MVB12B: variants seen among roughly 807,000 people sequenced by gnomAD.
MVB12B encodes the protein multivesicular body subunit 12B, also known as ESCRT-I complex subunit MVB12B.
A neutral mutation model predicts 41.6 loss-of-function variants in MVB12B; 16 were observed. That is an observed-to-expected ratio of 0.38 (90% CI 0.26 to 0.58). MVB12B has a LOEUF of 0.58. Among genes scored for constraint, MVB12B ranks in the 20% least tolerant of loss-of-function variants. The pLI is 0.62. For missense variants in MVB12B, 274 were observed against 380.2 expected, an observed-to-expected ratio of 0.72 and a Z score of 2.32; for synonymous variants, 133 against 139.7, an observed-to-expected ratio of 0.95 and a Z score of 0.34.
chr9:126,412,249 C>T (rs1434675779), intron 6 of MVB12B, among the ~76,000 whole-genome samples: 8 of 152,178 alleles, frequency 5.3e-5, no homozygotes, highest in African/African-American at 9.7e-5. Flanking sequence ...TCATTAAGCA[C>T]GTCCTTACAC....
intron 7 of MVB12B, among the ~76,000 whole-genome samples, chr9:126,440,142 CT>C (rs1266865880): frequency 6.6e-6 from 1 of 152,188 alleles, no homozygotes; most frequent in Non-Finnish European, 1.5e-5. Context: ...GCGCGAGCCC[CT>C]TGCTGTATGG....
At chr9:126,442,889 C>G (rs1411394920) in intron 7 of MVB12B, among the ~76,000 whole-genome samples, 1 of 152,156 alleles carries the variant, frequency 6.6e-6, no homozygotes, top group Non-Finnish European at 1.5e-5. Flanking sequence ...GGAACACATA[C>G]TCGGGAATGG....
chr9:126,442,500 A>G (rs1379064962), intron 7 of MVB12B, among the ~76,000 whole-genome samples: 1 of 152,086 alleles, frequency 6.6e-6, no homozygotes, highest in Non-Finnish European at 1.5e-5. Flanking sequence ...AGTAACAAAC[A>G]CCCCTCCAGA....
At chr9:126,378,438 C>T (rs1830542979) in intron 2 of MVB12B, among the ~76,000 whole-genome samples, 1 of 152,126 alleles carries the variant, frequency 6.6e-6, no homozygotes, top group Admixed American at 6.5e-5. Flanking sequence ...CCCCTTGTTC[C>T]ACCAGGGCTG....
intron 7 of MVB12B, among the ~76,000 whole-genome samples, chr9:126,456,568 C>T (rs1394827038): frequency 6.6e-6 from 1 of 152,214 alleles, no homozygotes; most frequent in African/African-American, 2.4e-5. Flanking sequence ...TCTCATCCTG[C>T]CCCTCCCTGC....
At chr9:126,411,979 A>T (rs1831664488) in intron 6 of MVB12B, among the ~76,000 whole-genome samples, 1 of 152,142 alleles carries the variant, frequency 6.6e-6, no homozygotes, top group African/African-American at 2.4e-5. Flanking sequence ...GCTGAAAATG[A>T]TTCATTTTAA....
intron 7 of MVB12B, among the ~76,000 whole-genome samples, chr9:126,435,904 G>C (rs1344925063): frequency 6.6e-6 from 1 of 152,228 alleles, no homozygotes; most frequent in East Asian, 1.9e-4. Context: ...GATGCGGGGG[G>C]ACTGCTTGTT....
At chr9:126,483,713 C>G (rs1397874535) in intron 8 of MVB12B, among the ~76,000 whole-genome samples, 1 of 152,194 alleles carries the variant, frequency 6.6e-6, no homozygotes, top group Non-Finnish European at 1.5e-5. Flanking sequence ...CTGGGTGCCA[C>G]AGACCACAAC....
intron 2 of MVB12B, among the ~76,000 whole-genome samples, chr9:126,373,020 G>A (rs1830384810): frequency 6.6e-6 from 1 of 152,184 alleles, no homozygotes; most frequent in Non-Finnish European, 1.5e-5. Flanking sequence ...AGGGGTGCAA[G>A]GCCAACAGGG....
intron 6 of MVB12B, among the ~76,000 whole-genome samples, chr9:126,413,998 A>G (rs1831733970): frequency 6.6e-6 from 1 of 152,216 alleles, no homozygotes; most frequent in Admixed American, 6.5e-5. Context: ...CATCTTCATT[A>G]TATGTGGCCA....
Position 126,367,057 on chromosome 9 carries a change from C to T in MVB12B, c.205-14007C>T, listed in dbSNP as rs1019378577. ...CTTCTCTGCTAGCCCTACCTGCCAG[C>T]ACCCCATCAGGCATTTCTTCATCTT... On this transcript the variant is annotated intron_variant, in intron 2 of 9. Coordinates refer to ENST00000361171, the MANE Select transcript of MVB12B (RefSeq NM_033446.3). This position sits in a 1 kb window ranked among gnomAD's most constrained non-coding sequence, Gnocchi z 4.3. Among the ~76,000 whole-genome samples the T allele has an allele frequency of 5.3e-5, 8 of 152,170 alleles. No homozygotes were observed. The highest frequency in any genetic ancestry group is 1.9e-4 in the African/African-American group (8 of 41,434).
At chr9:126,470,355 C>T (rs1833285757) in intron 7 of MVB12B, among the ~76,000 whole-genome samples, 1 of 152,188 alleles carries the variant, frequency 6.6e-6, no homozygotes. Context: ...TTCTGAGGCT[C>T]AGTGAGAATG....
intron 7 of MVB12B, among the ~76,000 whole-genome samples, chr9:126,462,180 T>C (rs537315475): frequency 6.6e-5 from 10 of 152,386 alleles, no homozygotes; most frequent in African/African-American, 2.4e-4. Context: ...AAATAACAAG[T>C]TGAACTTGGA....
chr9:126,373,140 T>TA (rs907843994), intron 2 of MVB12B, among the ~76,000 whole-genome samples: 79 of 151,874 alleles, frequency 5.2e-4, no homozygotes, highest in Non-Finnish European at 4.4e-4. Flanking sequence ...TTTCTTTTGC[T>TA]AAAAAAAAGA....
intron 2 of MVB12B, among the ~76,000 whole-genome samples, chr9:126,369,167 A>C (rs1830266412): frequency 6.6e-6 from 1 of 152,218 alleles, no homozygotes; most frequent in African/African-American, 2.4e-5. Context: ...GAACATTTTG[A>C]AAAAATTTTT....
Position 126,386,753 on chromosome 9 carries a change from C to T in MVB12B, c.409+95C>T. 1 of 915,266 alleles carries T rather than the reference C, an allele frequency of 1.1e-6. No homozygotes were observed. The highest frequency in any genetic ancestry group is 1.7e-6 in the Non-Finnish European group (1 of 578,858). The allele number at this position is 915,266 out of a possible 1,614,324, so 56.7% of individuals were successfully genotyped here. On this transcript the variant is annotated intron_variant, in intron 4 of 9. Coordinates refer to ENST00000361171, the MANE Select transcript of MVB12B (RefSeq NM_033446.3). This position sits in a 1 kb window ranked among gnomAD's most constrained non-coding sequence, Gnocchi z 4.3. ...TTCTATGTGCATTTTTCTTCAGAAA[C>T]ACTTTTGGAGGCCTTACTACATGCC...
At chr9:126,435,851 C>T (rs556996768) in intron 7 of MVB12B, among the ~76,000 whole-genome samples, 11 of 152,328 alleles carry the variant, frequency 7.2e-5, no homozygotes, top group African/African-American at 2.4e-4. Context: ...TCAGATGTCC[C>T]GTCTCATGGC....
chr9:126,388,242 A>G (rs773520473), intron 4 of MVB12B, among the ~76,000 whole-genome samples: 5 of 152,092 alleles, frequency 3.3e-5, no homozygotes, highest in Non-Finnish European at 7.4e-5. Flanking sequence ...TCTACTTTCT[A>G]TGTAGATTTG....
At chr9:126,371,482 G>A (rs1321897143) in intron 2 of MVB12B, among the ~76,000 whole-genome samples, 1 of 152,228 alleles carries the variant, frequency 6.6e-6, no homozygotes, top group African/African-American at 2.4e-5. Context: ...ACCTCTACAA[G>A]GGCTTTTGCT....
Sources: allele counts gnomAD v4.1 joint callset (sites outside exome capture counted in the v4.1 genomes callset), GRCh38; gene constraint gnomAD v4.1.1; non-coding constraint Gnocchi (gnomAD v3.1); transcripts MANE v1.5; gene names NCBI Gene and HGNC (gene_info 2026-07-23, HGNC 2026-07-21).